The following LZTFL1 variants were observed in gnomAD, a reference collection of about 807,000 sequenced individuals.
LZTFL1 encodes the protein leucine zipper transcription factor like 1.
In LZTFL1, 25 loss-of-function variants were observed where a neutral mutation model predicts 45.9. The ratio of observed to expected loss-of-function variants is 0.54; its 90% CI spans 0.40 to 0.76. The LOEUF is 0.76. Ranked by LOEUF, LZTFL1 falls within the 30% of genes least tolerant of loss-of-function variation. The pLI is 0.00. For missense variants in LZTFL1, 277 were observed against 331.1 expected, an observed-to-expected ratio of 0.84 and a Z score of 1.27; for synonymous variants, 93 against 117.4, an observed-to-expected ratio of 0.79 and a Z score of 1.35.
At position 45,825,945 on chromosome 3, in the gene LZTFL1, T is replaced by C. The variant is rs1700651547; in HGVS notation, c.*369A>G. The C allele has an allele frequency of 5.1e-6, 1 of 196,872 alleles. No individual in the cohort carries two copies. The highest frequency in any genetic ancestry group is 1.2e-4 in the East Asian group (1 of 8,566). The allele number at this position is 196,872 out of a possible 1,614,324, so 12.2% of individuals were successfully genotyped here. A position where few individuals can be genotyped will look rare whatever the true frequency, so the allele number is the denominator to read the frequency against. On this transcript the variant is annotated 3_prime_UTR_variant, in exon 10 of 10. Coordinates refer to ENST00000296135, the MANE Select transcript of LZTFL1 (RefSeq NM_020347.4). Reference sequence around the variant, plus strand: ...ATTATTTATTTTTACCCATGGGGAATGCATAAGTACAAACATTGTTAGCTT... The same window carrying C: ...ATTATTTATTTTTACCCATGGGGAACGCATAAGTACAAACATTGTTAGCTT...
chr3:45,842,150 T>A (rs1212970413), upstream of LZTFL1: 1 of 1,500,028 alleles, frequency 6.7e-7, no homozygotes, highest in Non-Finnish European at 8.9e-7. Flanking sequence ...GCACGTGGAC[T>A]GCAATTATGC....
Position 45,901,530 on chromosome 3 carries a change from T to C in LZTFL1, c.-215+11590A>G. 1 of 1,614,202 alleles carries C rather than the reference T, an allele frequency of 6.2e-7. No homozygotes were observed. The highest frequency in any genetic ancestry group is 8.5e-7 in the Non-Finnish European group (1 of 1,180,024). On this transcript the variant is annotated intron_variant, in intron 2 of 4. Coordinates refer to the LZTFL1 transcript ENST00000472635. The surrounding 1 kb of genome is among the most constrained non-coding windows in gnomAD (Gnocchi z 4.3). Reference sequence around the variant, plus strand: ...CACCCTGATACAAGCCAAGAAGTCTTCCAAGCACAAAGCCCTAAAAGTGAC... The same window carrying C: ...CACCCTGATACAAGCCAAGAAGTCTCCCAAGCACAAAGCCCTAAAAGTGAC...
In LZTFL1 at chr3:45,827,181, G is replaced by T. The variant is rs1011498412; in HGVS notation, c.881+175C>A. 1.6e-4 allele frequency: 93 copies of T among 584,632 alleles called. 1 individual carries two copies. Among genetic ancestry groups the T allele is most frequent in the Non-Finnish European group, 2.2e-4 (74 of 333,314 alleles). The allele number at this position is 584,632 out of a possible 1,614,324, so 36.2% of individuals were successfully genotyped here. On this transcript the variant is annotated intron_variant, in intron 9 of 9. Transcript: ENST00000296135. ...ATGAACCTAAAAAGAAGCCCTGGTG[G>T]GCATTATAGATAAGGTCAGGCCAGA...
chr3:45,852,354 C>T (rs1202186034), intron 4 of LZTFL1, among the ~76,000 whole-genome samples: 1 of 152,138 alleles, frequency 6.6e-6, no homozygotes, highest in Non-Finnish European at 1.5e-5. Context: ...AACAAGACCA[C>T]AAAGATGTAT....
chr3:45,860,462 T>C (rs1701467038), intron 2 of LZTFL1, among the ~76,000 whole-genome samples: 1 of 81,080 alleles, frequency 1.2e-5, no homozygotes, highest in Non-Finnish European at 2.6e-5. Flanking sequence ...ATCTTATAAA[T>C]GCTTTTTTTT....
intron 3 of LZTFL1, among the ~76,000 whole-genome samples, chr3:45,855,819 A>T (rs191838312): frequency 2.6e-5 from 4 of 152,298 alleles, no homozygotes; most frequent in African/African-American, 9.6e-5. Flanking sequence ...AAGAAAATAA[A>T]ATACCTAGGA....
rs193146245 is a variant in LZTFL1, at chr3:45,914,484, G to A, written c.-273+937C>T. On this transcript the variant is annotated intron_variant, in intron 1 of 4. Coordinates refer to the LZTFL1 transcript ENST00000472635. ...AGACGGGGTCTCCCTATGTTATGCA[G>A]GTTGGCCTTGAACTCCTGGCCTCAA... Among the ~76,000 whole-genome samples the A allele has an allele frequency of 3.3e-5, 5 of 152,170 alleles. No homozygotes were observed. In the East Asian group the frequency reaches 9.7e-4, roughly 29 times the overall value.
At chr3:45,881,888 T>G (rs1012746741) in intron 2 of LZTFL1, among the ~76,000 whole-genome samples, 3 of 152,256 alleles carry the variant, frequency 2.0e-5, no homozygotes, top group African/African-American at 7.2e-5. Context: ...AGCTGCTGAA[T>G]AGCAGGTTGG....
intron 1 of LZTFL1, chr3:45,913,254 G>T: frequency 9.4e-7 from 1 of 1,064,118 alleles, no homozygotes; most frequent in Non-Finnish European, 1.4e-6. Context: ...GCAATGAGCT[G>T]ATCTTTCTCT....
chr3:45,876,556 C>A (rs1369875883), intron 2 of LZTFL1, among the ~76,000 whole-genome samples: 1 of 152,192 alleles, frequency 6.6e-6, no homozygotes, highest in Non-Finnish European at 1.5e-5. Context: ...CCCTGACACA[C>A]TTCAGTAGAA....
intron 3 of LZTFL1, among the ~76,000 whole-genome samples, chr3:45,856,560 C>A (rs1043115560): frequency 6.6e-6 from 1 of 151,810 alleles, no homozygotes; most frequent in African/African-American, 2.4e-5. Flanking sequence ...AGCTTCTGCA[C>A]AAAAGAAAAG....
intron 2 of LZTFL1, among the ~76,000 whole-genome samples, chr3:45,866,305 G>A (rs1701576904): frequency 6.6e-6 from 1 of 152,088 alleles, no homozygotes; most frequent in African/African-American, 2.4e-5. Context: ...ATAACTCAAT[G>A]AATCTACAAA....
rs912699015 is a variant in LZTFL1 at position 45,877,936 on chromosome 3, G to T, written c.-214-18920C>A. ...AATTTTTGTATTTTTAGTAGAGACA[G>T]TGTTTCACCATGTTGACCAGGCTGG... On this transcript the variant is annotated intron_variant, in intron 2 of 4. Transcript: ENST00000472635. Among the ~76,000 whole-genome samples, 49 of 152,128 alleles carry T rather than the reference G, an allele frequency of 3.2e-4. 1 individual carries two copies. The Middle Eastern group carries it at 0.014, about 42-fold the overall frequency.
chr3:45,862,038 C>T (rs770945731), intron 2 of LZTFL1, among the ~76,000 whole-genome samples: 2 of 152,086 alleles, frequency 1.3e-5, no homozygotes, highest in South Asian at 2.1e-4. Flanking sequence ...AAATCATATA[C>T]GACCAGCTAT....
chr3:45,913,293 A>G, intron 1 of LZTFL1: 1 of 750,532 alleles, frequency 1.3e-6, no homozygotes, highest in Non-Finnish European at 2.1e-6. Context: ...GCCACAACCT[A>G]AAGATCCTTA....
At chr3:45,878,285 T>A (rs1219289367) in intron 2 of LZTFL1, among the ~76,000 whole-genome samples, 2 of 152,210 alleles carry the variant, frequency 1.3e-5, no homozygotes, top group Admixed American at 6.5e-5. Context: ...TGGGTCTCCC[T>A]TGCAGGGGCC....
intron 1 of LZTFL1, among the ~76,000 whole-genome samples, chr3:45,840,886 A>G (rs745566199): frequency 3.9e-5 from 6 of 152,266 alleles, no homozygotes; most frequent in Non-Finnish European, 5.9e-5. Flanking sequence ...TGAATGCTTA[A>G]TATTTTCACA....
intron 4 of LZTFL1, among the ~76,000 whole-genome samples, chr3:45,853,324 A>G (rs1701334841): frequency 6.6e-6 from 1 of 152,218 alleles, no homozygotes; most frequent in Non-Finnish European, 1.5e-5. Context: ...GAATATTATG[A>G]ACATTAGGTT....
At chr3:45,903,521 T>C (rs1702617805) in intron 2 of LZTFL1, among the ~76,000 whole-genome samples, 1 of 152,256 alleles carries the variant, frequency 6.6e-6, no homozygotes, top group Non-Finnish European at 1.5e-5. Flanking sequence ...ATTTCCCCAG[T>C]GCCTTGTGGA....
Sources: gnomAD v4.1 joint callset for allele counts (sites outside exome capture counted in the v4.1 genomes callset) on GRCh38, gnomAD v4.1.1 for gene constraint, Gnocchi (gnomAD v3.1) non-coding constraint, MANE v1.5 for transcripts, NCBI Gene and HGNC (gene_info 2026-07-23, HGNC 2026-07-21) for gene names.